Variants in GALK2 observed in about 807,000 individuals in gnomAD.
GALK2 encodes the protein galactokinase 2.
GALK2 carries 36 observed loss-of-function variants against 52.4 expected under a neutral mutation model. The observed-to-expected ratio is 0.69, with a 90% CI of 0.53 to 0.91. GALK2 has a LOEUF of 0.91. GALK2 is among the 40% of genes least tolerant of loss of function. The probability of loss-of-function intolerance (pLI) is 0.00; values close to 1 mark genes in which losing one functional copy is unlikely to be tolerated. For synonymous variants in GALK2, 176 were observed against 199.1 expected, an observed-to-expected ratio of 0.88 and a Z score of 0.98; for missense variants, 579 against 559.1, an observed-to-expected ratio of 1.04 and a Z score of -0.36.
intron 3 of GALK2, among the ~76,000 whole-genome samples, chr15:49,355,072 C>G (rs898050466): frequency 1.3e-5 from 2 of 150,736 alleles, no homozygotes; most frequent in African/African-American, 4.9e-5. Flanking sequence ...AGGACATCCA[C>G]ACCAAAAACC....
chr15:49,276,929 T>G (rs12899631), intron 5 of GALK2, among the ~76,000 whole-genome samples: 2 of 148,174 alleles, frequency 1.3e-5, no homozygotes, highest in African/African-American at 2.4e-5. Context: ...TTTTGGTTTT[T>G]GTTTTTTTAA....
chr15:49,343,476 G>A (rs1411565152), intron 3 of GALK2: 1 of 152,088 alleles, frequency 6.6e-6, no homozygotes, highest in East Asian at 1.9e-4. Flanking sequence ...CTGTGTTTAA[G>A]GCTGTTGAGC....
intron 8 of GALK2, among the ~76,000 whole-genome samples, chr15:49,315,080 A>T (rs2036293780): frequency 6.6e-6 from 1 of 152,254 alleles, no homozygotes; most frequent in African/African-American, 2.4e-5. Flanking sequence ...AGCCATGAAC[A>T]TTTAGATTTC....
downstream of GALK2, among the ~76,000 whole-genome samples, chr15:49,333,452 T>A (rs956701701): frequency 3.9e-5 from 6 of 152,242 alleles, no homozygotes; most frequent in African/African-American, 1.4e-4. Context: ...CCTACATTCT[T>A]CTGCATATTC....
At chr15:49,198,837 C>T (rs1401064459) in intron 1 of GALK2, 2 of 110,228 alleles carry the variant, frequency 1.8e-5, no homozygotes, top group East Asian at 7.8e-4. Flanking sequence ...TTCCCCTCCC[C>T]TCTCCCTCCC....
intron 3 of GALK2, among the ~76,000 whole-genome samples, chr15:49,354,579 C>G (rs529292466): frequency 6.6e-6 from 1 of 152,362 alleles, no homozygotes; most frequent in Non-Finnish European, 1.5e-5. Context: ...TATCCCGCAC[C>G]TGGCTGGAAG....
intron 5 of GALK2, among the ~76,000 whole-genome samples, chr15:49,277,712 C>T (rs1461153650): frequency 6.6e-6 from 1 of 150,728 alleles, no homozygotes; most frequent in South Asian, 2.1e-4. Context: ...AGGAGAATGG[C>T]GTGAACCCGG....
chr15:49,227,790 T>C (rs2090217488), intron 3 of GALK2, among the ~76,000 whole-genome samples: 2 of 152,150 alleles, frequency 1.3e-5, no homozygotes, highest in African/African-American at 4.8e-5. Flanking sequence ...CTCTTTCTTA[T>C]TCATGAGTTT....
chr15:49,266,340 G>A (rs564866833), intron 5 of GALK2, among the ~76,000 whole-genome samples: 1 of 152,224 alleles, frequency 6.6e-6, no homozygotes, highest in Admixed American at 6.5e-5. Flanking sequence ...TTCATCTTTT[G>A]ATGGGTGGAA....
At chr15:49,354,582 G>T (rs529165349) in intron 3 of GALK2, among the ~76,000 whole-genome samples, 1 of 152,202 alleles carries the variant, frequency 6.6e-6, no homozygotes, top group Non-Finnish European at 1.5e-5. Context: ...CCCGCACCTG[G>T]CTGGAAGGGT....
chr15:49,168,718 T>TA (rs35361227), upstream of GALK2, among the ~76,000 whole-genome samples: 19,418 of 136,514 alleles, frequency 0.14, 1,569 homozygotes, highest in East Asian at 0.24. Context: ...AAACTCCATC[T>TA]AAAAAAAAAA....
intron 8 of GALK2, among the ~76,000 whole-genome samples, chr15:49,310,852 A>G (rs750328181): frequency 1.3e-5 from 2 of 152,058 alleles, no homozygotes; most frequent in Non-Finnish European, 2.9e-5. Context: ...TCTTCACTCT[A>G]TTGATAGGTT....
At position 49,328,167 on chromosome 15, in the gene GALK2, T is replaced by TA. The variant is rs1567071782; in HGVS notation, c.*13dup. ...GTTTTGCTTGAGGCCTGAAAAAATG[T>TA]AAAAAGTCTGAGAGAAACTACTTAG... On this transcript the variant is annotated 3_prime_UTR_variant, in exon 10 of 10. Coordinates refer to ENST00000560031, the MANE Select transcript of GALK2 (RefSeq NM_002044.4). 2.5e-6 allele frequency: 4 copies of TA among 1,610,544 alleles called. No individual in the cohort carries two copies. In the South Asian group the frequency reaches 4.4e-5, roughly 18 times the overall value.
rs553335513 is a variant in GALK2, at chr15:49,192,169, C to A, written c.54-8993C>A. 2.6e-5 allele frequency among the ~76,000 whole-genome samples: 4 copies of A among 152,082 alleles called. No individual in the cohort carries two copies. The South Asian group carries it at 8.3e-4, about 32-fold the overall frequency. Reference sequence around the variant, plus strand: ...TGTTGTTTCTTTCCAGTTCTGGAATCAGCCATTTCTTTAAGGAACTGTAAT... The same window carrying A: ...TGTTGTTTCTTTCCAGTTCTGGAATAAGCCATTTCTTTAAGGAACTGTAAT... On this transcript the variant is annotated intron_variant, in intron 1 of 9. Coordinates refer to ENST00000560031, the MANE Select transcript of GALK2 (RefSeq NM_002044.4).
At chr15:49,229,274 T>C (rs1424949772) in intron 3 of GALK2, among the ~76,000 whole-genome samples, 1 of 152,184 alleles carries the variant, frequency 6.6e-6, no homozygotes, top group Non-Finnish European at 1.5e-5. Flanking sequence ...ACTTAGGATA[T>C]GGTTGTTGTT....
chr15:49,357,878 G>C (rs201198452), intron 3 of GALK2, among the ~76,000 whole-genome samples: 24,317 of 151,614 alleles, frequency 0.16, 3,033 homozygotes, highest in African/African-American at 0.35. Context: ...CCATCAAAAA[G>C]CTTATCCACC....
chr15:49,169,713 CT>C (rs1320241897), upstream of GALK2, among the ~76,000 whole-genome samples: 6 of 152,302 alleles, frequency 3.9e-5, no homozygotes, highest in African/African-American at 1.4e-4. Flanking sequence ...CTTTTCACTA[CT>C]GTGTTCTAGG....
rs941171601 is a variant in GALK2, at chr15:49,254,254, A to G, written c.504+14887A>G. On this transcript the variant is annotated intron_variant, in intron 5 of 9. Transcript: ENST00000560031. ...GTTAATTTTGACTGTATTTATATAA[A>G]TTAAAGTGAAGCAAGACCCTGTGGA... Among the ~76,000 whole-genome samples, 6 of 143,698 alleles carry G rather than the reference A, an allele frequency of 4.2e-5. 1 individual carries two copies. Among genetic ancestry groups the G allele is most frequent in the Admixed American group, 7.1e-5 (1 of 14,176 alleles). The allele number at this position is 143,698 out of a possible 152,430, so 94.3% of individuals were successfully genotyped here. A position where few individuals can be genotyped will look rare whatever the true frequency, so the allele number is the denominator to read the frequency against.
At chr15:49,218,497 T>A (rs2089555255) in intron 3 of GALK2, among the ~76,000 whole-genome samples, 3 of 152,092 alleles carry the variant, frequency 2.0e-5, no homozygotes, top group Admixed American at 6.5e-5. Flanking sequence ...TGAGAAATGG[T>A]CCCAGGAGCA....
Sources: allele counts gnomAD v4.1 joint callset (sites outside exome capture counted in the v4.1 genomes callset), GRCh38; gene constraint gnomAD v4.1.1; transcripts MANE v1.5; gene names NCBI Gene and HGNC (gene_info 2026-07-23, HGNC 2026-07-21).